Variants in SRPX2 observed in about 807,000 individuals in gnomAD.
SRPX2 encodes the protein sushi repeat containing protein X-linked 2.
In SRPX2, 26 loss-of-function variants were observed where a neutral mutation model predicts 45.3. The ratio of observed to expected loss-of-function variants is 0.57; its 90% CI spans 0.42 to 0.80. The LOEUF is 0.80. Among genes scored for constraint, SRPX2 ranks in the 30% least tolerant of loss-of-function variants. The probability of loss-of-function intolerance (pLI) is 0.00; values close to 1 mark genes in which losing one functional copy is unlikely to be tolerated. For synonymous variants in SRPX2, 125 were observed against 143.7 expected (o/e 0.87, Z 0.93); for missense variants, 355 against 399.8 (o/e 0.89, Z 0.95).
At chrX:100,655,033 G>T (rs1028654488) in intron 3 of SRPX2, among the ~76,000 whole-genome samples, 1 of 111,563 alleles carries the variant, frequency 9.0e-6, no homozygotes, top group Admixed American at 9.5e-5. Context: ...TTTATTTTCT[G>T]CATACACCTT....
At chrX:100,656,941 C>G (rs41293527) in intron 3 of SRPX2, among the ~76,000 whole-genome samples, 13 of 108,063 alleles carry the variant, frequency 1.2e-4, no homozygotes, top group Non-Finnish European at 2.5e-4. Context: ...TCCTTCCTTC[C>G]TTCGAGATGG....
chrX:100,668,213 C>T lies in SRPX2; in HGVS notation c.1095+806C>T, dbSNP rs151338986. Reference sequence around the variant, plus strand: ...GACTAAGAGAAGCAGCTCTGGGGAGCTACAAGGGGCTGGATACCCACGTGG... The same window carrying T: ...GACTAAGAGAAGCAGCTCTGGGGAGTTACAAGGGGCTGGATACCCACGTGG... On this transcript the variant is annotated intron_variant, in intron 9 of 10. Transcript: ENST00000373004. Among the ~76,000 whole-genome samples, 353 of 107,404 alleles carry T rather than the reference C, an allele frequency of 3.3e-3. 8 individuals are homozygous for T. Among genetic ancestry groups the T allele is most frequent in the Admixed American group, 0.029 (283 of 9,907 alleles). 93.3% of individuals were successfully genotyped at this position (107,404 alleles called of 115,157 possible). A position where few individuals can be genotyped will look rare whatever the true frequency, so the allele number is the denominator to read the frequency against.
Position 100,666,923 on chromosome X carries a change from A to G in SRPX2, c.951A>G (p.Pro317=). ...GCCGCCAGTGGTCAGGTTCACCACC[A>G]ATCTGTGCTCGTGAGTGAAACCGGG... ...QSSRQWSGSP[P]ICAPMKINVN... is the part of the protein sequence containing the mutation. The change falls in exon 8 of 11, where the codon CCA becomes CCG. Residue 317 remains proline, a synonymous_variant. Coordinates refer to ENST00000373004, the MANE Select transcript of SRPX2 (RefSeq NM_014467.3). The G allele has an allele frequency of 2.5e-6, 3 of 1,209,066 alleles. No individual in the cohort carries two copies. The highest frequency in any genetic ancestry group is 3.4e-6 in the Non-Finnish European group (3 of 894,330).
chrX:100,654,835 T>A (rs1270271250), intron 3 of SRPX2, among the ~76,000 whole-genome samples: 1 of 111,889 alleles, frequency 8.9e-6, no homozygotes, highest in East Asian at 2.8e-4. Flanking sequence ...GGCATGTCAT[T>A]TGCTATCATT....
chrX:100,667,811 A>C (rs1330939047), intron 9 of SRPX2, among the ~76,000 whole-genome samples: 1 of 112,460 alleles, frequency 8.9e-6, no homozygotes, highest in Non-Finnish European at 1.9e-5. Flanking sequence ...GGTTTTACAC[A>C]TATTCATCCA....
chrX:100,666,947 G>A lies in SRPX2; in HGVS notation c.961+14G>A. 1 of 1,203,987 alleles carries A rather than the reference G, an allele frequency of 8.3e-7. No homozygotes were observed. The highest frequency in any genetic ancestry group is 1.1e-6 in the Non-Finnish European group (1 of 891,649). ...CAATCTGTGCTCGTGAGTGAAACCG[G>A]GGAATGGGGCAAGTGGATGTGGTGA... On this transcript the variant is annotated intron_variant, in intron 8 of 10. Transcript: ENST00000373004.
chrX:100,673,023 G>C lies in SRPX2; in HGVS notation c.*2036G>C, dbSNP rs1221483893. ...CCCTCTTCCCTCCAGGGAAATATGG[G>C]AACTGTGAGAGGCAGCAGGCAAGTT... On this transcript the variant is annotated 3_prime_UTR_variant, in exon 11 of 11. Transcript: ENST00000373004. The C allele has an allele frequency of 8.9e-6, 1 of 112,395 alleles. No individual in the cohort carries two copies. Among genetic ancestry groups the C allele is most frequent in the Non-Finnish European group, 1.9e-5 (1 of 53,268 alleles). The allele number at this position is 112,395 out of a possible 1,213,427, so 9.3% of individuals were successfully genotyped here. A position where few individuals can be genotyped will look rare whatever the true frequency, so the allele number is the denominator to read the frequency against.
At chrX:100,657,733 T>C (rs2083175139) in intron 3 of SRPX2, among the ~76,000 whole-genome samples, 1 of 111,832 alleles carries the variant, frequency 8.9e-6, no homozygotes, top group Admixed American at 9.4e-5. Context: ...TGATTAGTGA[T>C]GTTGAGCATA....
At chrX:100,670,757 G>T (rs2083221758) in intron 10 of SRPX2, 50 bp from the exon 11 acceptor site, 1 of 1,195,100 alleles carries the variant, frequency 8.4e-7, no homozygotes, top group Admixed American at 2.2e-5. Context: ...GAGCCTGTGG[G>T]GATGGGTGCC....
At position 100,672,414 on chromosome X, in the gene SRPX2, T is replaced by G. The variant is rs905912892; in HGVS notation, c.*1427T>G. ...GAGCTCATAATGCTCAAGCACTATGTGCCAGGTGCTGTTCTAAACACTCTA... is the reference window on the plus strand; with the variant it reads ...GAGCTCATAATGCTCAAGCACTATGGGCCAGGTGCTGTTCTAAACACTCTA... On this transcript the variant is annotated 3_prime_UTR_variant, in exon 11 of 11. Coordinates refer to ENST00000373004, the MANE Select transcript of SRPX2 (RefSeq NM_014467.3). The G allele has an allele frequency of 4.5e-5, 5 of 112,316 alleles. No individual in the cohort carries two copies. Among genetic ancestry groups the G allele is most frequent in the African/African-American group, 1.6e-4 (5 of 30,844 alleles). 9.3% of individuals were successfully genotyped at this position (112,316 alleles called of 1,213,427 possible). A position where few individuals can be genotyped will look rare whatever the true frequency, so the allele number is the denominator to read the frequency against.
chrX:100,666,092 T>A (rs931017938), intron 7 of SRPX2, among the ~76,000 whole-genome samples: 1 of 112,280 alleles, frequency 8.9e-6, no homozygotes, highest in Non-Finnish European at 1.9e-5. Context: ...TGCTTATTGT[T>A]GAACATTTGA....
intron 3 of SRPX2, among the ~76,000 whole-genome samples, chrX:100,660,774 T>G (rs2083184588): frequency 9.3e-6 from 1 of 107,929 alleles, no homozygotes. Flanking sequence ...ACCCAGGAGG[T>G]GGAGGTTGCC....
In SRPX2 at chrX:100,647,195, T is replaced by A. The variant is rs2083138217; in HGVS notation, c.82+791T>A. ...GCTAAGAATATTCTGTGGCCTGCAG[T>A]GTCTGCCCTCACAGGGGCCCGTGGG... On this transcript the variant is annotated intron_variant, in intron 2 of 10. Coordinates refer to ENST00000373004, the MANE Select transcript of SRPX2 (RefSeq NM_014467.3). 5.4e-5 allele frequency among the ~76,000 whole-genome samples: 6 copies of A among 111,989 alleles called. No homozygotes were observed. The Admixed American group carries it at 5.7e-4, about 11-fold the overall frequency.
At chrX:100,657,851 G>A (rs1019580307) in intron 3 of SRPX2, among the ~76,000 whole-genome samples, 12 of 111,171 alleles carry the variant, frequency 1.1e-4, no homozygotes, top group African/African-American at 3.9e-4. Flanking sequence ...TGGAGACGGA[G>A]TCTCCTGACC....
rs121918364 is a variant in SRPX2 at position 100,662,227 on chromosome X, A to C, written c.215A>C (p.Tyr72Ser). The C allele has an allele frequency of 4.1e-5, 50 of 1,209,383 alleles. No homozygotes were observed. Among genetic ancestry groups the C allele is most frequent in the Middle Eastern group, 4.6e-4 (2 of 4,370 alleles). Reference protein sequence around the residue: ...LNIQDGEATCYSPKGGNYHSS... With the variant: ...LNIQDGEATCSSPKGGNYHSS... ...ATCCAGGATGGAGAAGCCACATGCT[A>C]CTCACCGAAGGGAGGAAATTATCAC... is the stretch of plus-strand genomic sequence containing the variant. Residue 72 changes from tyrosine to serine, a missense_variant, in exon 4 of 11, where the codon TAC becomes TCC. Coordinates refer to ENST00000373004, the MANE Select transcript of SRPX2 (RefSeq NM_014467.3).
rs1400650513 is a variant in SRPX2, at chrX:100,672,355, G to C, written c.*1368G>C. On this transcript the variant is annotated 3_prime_UTR_variant, in exon 11 of 11. Transcript: ENST00000373004. ...TCAGGGGGTCATCAGTGGATGACTT[G>C]AGGGGAGAAGGAAGCAGGCTGGGTG... 8.9e-6 allele frequency: 1 copy of C among 112,348 alleles called. No individual in the cohort carries two copies. Among genetic ancestry groups the C allele is most frequent in the African/African-American group, 3.2e-5 (1 of 30,895 alleles). 9.3% of individuals were successfully genotyped at this position (112,348 alleles called of 1,213,427 possible).
chrX:100,664,434 T>C (rs190213827), intron 4 of SRPX2, among the ~76,000 whole-genome samples: 143 of 111,362 alleles, frequency 1.3e-3, no homozygotes, highest in African/African-American at 3.8e-3. Flanking sequence ...AATTAATACA[T>C]CATTGTCACC....
intron 3 of SRPX2, among the ~76,000 whole-genome samples, chrX:100,661,538 G>A (rs1278601499): frequency 8.9e-6 from 1 of 112,355 alleles, no homozygotes; most frequent in Non-Finnish European, 1.9e-5. Context: ...TTGGAAGGCC[G>A]AGGCAGGAGG....
At chrX:100,667,528 A>AT in intron 9 of SRPX2, 121 bp downstream of exon 9, 3 of 917,497 alleles carry the variant, frequency 3.3e-6, no homozygotes, top group Non-Finnish European at 3.1e-6. Flanking sequence ...TGTGGATAGC[A>AT]TTTGATCAGT....
Sources: allele counts gnomAD v4.1 joint callset (sites outside exome capture counted in the v4.1 genomes callset), GRCh38; gene constraint gnomAD v4.1.1; transcripts MANE v1.5; gene names NCBI Gene and HGNC (gene_info 2026-07-23, HGNC 2026-07-21).